Variants in BTG4 observed in about 807,000 individuals in gnomAD.
BTG4 encodes the protein protein BTG4.
BTG4 carries 10 observed loss-of-function variants against 19.3 expected under a neutral mutation model. That is an observed-to-expected ratio of 0.52 (90% CI 0.32 to 0.88). The LOEUF is 0.88. Among genes scored for constraint, BTG4 ranks in the 40% least tolerant of loss-of-function variants. The pLI is 0.04. For missense variants in BTG4, 238 were observed against 281.9 expected, an observed-to-expected ratio of 0.84 and a Z score of 1.11; for synonymous variants, 91 against 95.7, an observed-to-expected ratio of 0.95 and a Z score of 0.29.
At position 111,497,055 on chromosome 11, in the gene BTG4, C is replaced by A. The variant is rs185924677; in HGVS notation, c.510+156G>T. Reference sequence around the variant, plus strand: ...GGAATACATTGTGCAGTGAAGGAGACAGAAAAAGTTTTGCCAAAATATTAA... The same window carrying A: ...GGAATACATTGTGCAGTGAAGGAGAAAGAAAAAGTTTTGCCAAAATATTAA... On this transcript the variant is annotated intron_variant, in intron 4 of 4. Coordinates refer to ENST00000692032, the MANE Select transcript of BTG4 (RefSeq NM_001367975.1). 1.9e-5 allele frequency: 12 copies of A among 618,964 alleles called. 1 individual carries two copies. The African/African-American group carries it at 2.3e-4, about 12-fold the overall frequency. 38.3% of individuals were successfully genotyped at this position (618,964 alleles called of 1,614,324 possible).
intron 1 of BTG4, among the ~76,000 whole-genome samples, chr11:111,508,193 C>T (rs1237806320): frequency 1.3e-5 from 2 of 152,210 alleles, no homozygotes; most frequent in Non-Finnish European, 2.9e-5. Flanking sequence ...CTCTCTTCAT[C>T]CCATATTTTC....
chr11:111,493,205 T>C (rs1865522391), downstream of BTG4, among the ~76,000 whole-genome samples: 1 of 152,088 alleles, frequency 6.6e-6, no homozygotes, highest in South Asian at 2.1e-4. Flanking sequence ...GCTGAAAAGA[T>C]ATGCAAGAAC....
downstream of BTG4, among the ~76,000 whole-genome samples, chr11:111,463,841 G>A (rs1591430665): frequency 6.6e-6 from 1 of 152,178 alleles, no homozygotes; most frequent in African/African-American, 2.4e-5. Flanking sequence ...TCACTTCCAA[G>A]CTCACTCTTA....
intron 1 of BTG4, among the ~76,000 whole-genome samples, chr11:111,502,257 C>A (rs555098174): frequency 3.3e-5 from 5 of 152,020 alleles, no homozygotes; most frequent in Admixed American, 3.3e-4. Context: ...CAGGTGTGAA[C>A]CACCACGCCC....
the BTG4 span, among the ~76,000 whole-genome samples, chr11:111,436,846 G>C: frequency 6.6e-6 from 1 of 152,086 alleles, no homozygotes; most frequent in African/African-American, 2.4e-5. Flanking sequence ...TTGTTTTGCT[G>C]AGAGTTTCCG....
chr11:111,413,384 G>C, the BTG4 span, among the ~76,000 whole-genome samples: 1 of 152,230 alleles, frequency 6.6e-6, no homozygotes, highest in Non-Finnish European at 1.5e-5. Context: ...GAATGCACAC[G>C]CCGGTTTGAG....
intron 1 of BTG4, among the ~76,000 whole-genome samples, 177 bp from the exon 2 acceptor site, chr11:111,498,979 CA>C (rs2135688332): frequency 6.6e-6 from 1 of 151,812 alleles, no homozygotes; most frequent in African/African-American, 2.4e-5. Flanking sequence ...ACATAACAGC[CA>C]AGAACAGCAA....
chr11:111,513,183 G>A (rs1228315912), upstream of BTG4, among the ~76,000 whole-genome samples: 1 of 152,208 alleles, frequency 6.6e-6, no homozygotes, highest in African/African-American at 2.4e-5. Flanking sequence ...TCCAGATACA[G>A]TTAAACTGTT....
At chr11:111,477,840 T>A (rs1298708742) in intron 5 of BTG4, among the ~76,000 whole-genome samples, 1 of 151,994 alleles carries the variant, frequency 6.6e-6, no homozygotes. Flanking sequence ...ATAAATCCTA[T>A]AAACTAACAA....
At chr11:111,397,625 T>C in the BTG4 span, 3 of 152,224 alleles carry the variant, frequency 2.0e-5, no homozygotes, top group Non-Finnish European at 4.4e-5. Context: ...AACTGGTAGG[T>C]GTTCACAGGG....
intron 5 of BTG4, among the ~76,000 whole-genome samples, chr11:111,473,782 A>G (rs145684442): frequency 3.9e-5 from 6 of 152,294 alleles, no homozygotes; most frequent in African/African-American, 9.6e-5. Context: ...TCCTAGAGAG[A>G]AGGAACTGAG....
chr11:111,385,693 A>G, the BTG4 span: 53 of 152,322 alleles, frequency 3.5e-4, no homozygotes, highest in South Asian at 0.011. Flanking sequence ...TTATTAAAGT[A>G]TCTCAATCAA....
the BTG4 span, among the ~76,000 whole-genome samples, chr11:111,400,388 C>G: frequency 6.6e-6 from 1 of 152,170 alleles, no homozygotes; most frequent in South Asian, 2.1e-4. Context: ...AACTTTAGAA[C>G]CCGCCAATGA....
intron 1 of BTG4, among the ~76,000 whole-genome samples, chr11:111,499,146 T>C (rs569701868): frequency 1.3e-5 from 2 of 152,210 alleles, no homozygotes; most frequent in Non-Finnish European, 2.9e-5. Context: ...TTTAAAGATA[T>C]ATTAACAAAG....
At chr11:111,477,470 A>T (rs1297441226) in intron 5 of BTG4, among the ~76,000 whole-genome samples, 4 of 152,170 alleles carry the variant, frequency 2.6e-5, no homozygotes, top group Admixed American at 2.6e-4. Flanking sequence ...CTTAAGATTT[A>T]TTATTTCAAA....
intron 5 of BTG4, among the ~76,000 whole-genome samples, chr11:111,477,196 T>C (rs184888920): frequency 2.6e-5 from 4 of 152,306 alleles, no homozygotes; most frequent in Admixed American, 6.5e-5. Flanking sequence ...AGTAAGCACA[T>C]GCTTTTTAAT....
intron 1 of BTG4, among the ~76,000 whole-genome samples, chr11:111,502,348 G>A (rs190025836): frequency 2.6e-5 from 4 of 152,200 alleles, no homozygotes; most frequent in South Asian, 2.1e-4. Flanking sequence ...CGATTCTAAC[G>A]TGCAGCAAAA....
At chr11:111,445,719 A>G in the BTG4 span, among the ~76,000 whole-genome samples, 1 of 152,184 alleles carries the variant, frequency 6.6e-6, no homozygotes, top group South Asian at 2.1e-4. Flanking sequence ...CCGGTTTGCC[A>G]TTCCTAGAAA....
chr11:111,394,329 T>G, the BTG4 span, among the ~76,000 whole-genome samples: 1 of 152,158 alleles, frequency 6.6e-6, no homozygotes, highest in African/African-American at 2.4e-5. Flanking sequence ...AATTCCCACA[T>G]GTTGTGGGAG....
Sources: allele counts gnomAD v4.1 joint callset (sites outside exome capture counted in the v4.1 genomes callset), GRCh38; gene constraint gnomAD v4.1.1; transcripts MANE v1.5; gene names NCBI Gene and HGNC (gene_info 2026-07-23, HGNC 2026-07-21).